The following TNNI3K variants were observed in gnomAD, a reference collection of about 807,000 sequenced individuals.
TNNI3K encodes serine/threonine-protein kinase TNNI3K.
A neutral mutation model predicts 114.5 loss-of-function variants in TNNI3K; 140 were observed. That is an observed-to-expected ratio of 1.22 (90% CI 1.07 to 1.41). TNNI3K has a LOEUF of 1.41. Ranked by LOEUF, TNNI3K falls within the 40% of genes most tolerant of loss-of-function variation. The pLI, the probability that TNNI3K is intolerant of heterozygous loss-of-function variation, is 0.00. For missense variants in TNNI3K, 1,125 were observed against 1,007.6 expected, an observed-to-expected ratio of 1.12 and a Z score of -1.58; for synonymous variants, 347 against 347.5, an observed-to-expected ratio of 1.00 and a Z score of 0.02.
chr1:74,321,584 T>G (rs1659613803), intron 5 of TNNI3K, among the ~76,000 whole-genome samples: 1 of 151,916 alleles, frequency 6.6e-6, no homozygotes, highest in African/African-American at 2.4e-5. Context: ...GAAGTGATGC[T>G]AAATTTATAT....
intron 23 of TNNI3K, among the ~76,000 whole-genome samples, chr1:74,511,711 G>C: frequency 6.6e-6 from 1 of 152,018 alleles, no homozygotes; most frequent in East Asian, 1.9e-4. Flanking sequence ...GATAAGTACT[G>C]AGCCATGTGT....
At chr1:74,516,501 T>G (rs1302066359) in intron 23 of TNNI3K, among the ~76,000 whole-genome samples, 1 of 152,120 alleles carries the variant, frequency 6.6e-6, no homozygotes, top group Non-Finnish European at 1.5e-5. Flanking sequence ...TGAGAAAAAC[T>G]GTGAGAAAGA....
Position 74,369,433 on chromosome 1 carries a change from G to A in TNNI3K, c.1515G>A (p.Met505Ile), listed in dbSNP as rs1267869359. Residue 505 changes from methionine (M) to isoleucine (I), a missense_variant, in exon 16 of 25, where the codon ATG becomes ATA. Transcript: ENST00000326637. The part of the protein sequence containing the change: ...NTYCSKSDVD[M>I]FCREVSILCQ... ...ACTGCTCCAAGTCAGATGTGGATAT[G>A]TTTTGCCGAGAGGTGTCCATTCTCT... is the stretch of plus-strand genomic sequence containing the variant. The A allele has an allele frequency of 1.2e-6, 2 of 1,612,196 alleles. No individual in the cohort carries two copies. The highest frequency in any genetic ancestry group is 2.2e-5 in the South Asian group (2 of 90,920).
intron 2 of TNNI3K, among the ~76,000 whole-genome samples, chr1:74,238,873 C>T (rs1024640604): frequency 2.0e-5 from 3 of 151,996 alleles, no homozygotes; most frequent in African/African-American, 4.8e-5. Context: ...GAGATGGAGA[C>T]TGTAGTACTT....
chr1:74,239,480 T>A (rs1366190095), intron 2 of TNNI3K, among the ~76,000 whole-genome samples: 1 of 152,134 alleles, frequency 6.6e-6, no homozygotes, highest in Non-Finnish European at 1.5e-5. Context: ...ATTTGTCTTA[T>A]AAAGAGCATT....
chr1:74,442,261 A>G (rs1666407742), intron 20 of TNNI3K, among the ~76,000 whole-genome samples: 1 of 152,024 alleles, frequency 6.6e-6, no homozygotes, highest in African/African-American at 2.4e-5. Flanking sequence ...TACATTTTTC[A>G]AAAATCAGTT....
chr1:74,329,667 A>G (rs1660095730), intron 5 of TNNI3K, among the ~76,000 whole-genome samples: 1 of 152,116 alleles, frequency 6.6e-6, no homozygotes, highest in Non-Finnish European at 1.5e-5. Context: ...ATTTCAAACT[A>G]TGAAGCACTC....
At chr1:74,328,610 CTG>C (rs2100404747) in intron 5 of TNNI3K, among the ~76,000 whole-genome samples, 1 of 152,200 alleles carries the variant, frequency 6.6e-6, no homozygotes, top group Non-Finnish European at 1.5e-5. Flanking sequence ...AAAAATGACT[CTG>C]TATGGTTTCA....
intron 4 of TNNI3K, among the ~76,000 whole-genome samples, chr1:74,267,422 G>A (rs967570014): frequency 6.6e-6 from 1 of 151,936 alleles, no homozygotes; most frequent in Non-Finnish European, 1.5e-5. Context: ...CAGAAGTGAA[G>A]TACAGACGTT....
intron 23 of TNNI3K, among the ~76,000 whole-genome samples, chr1:74,517,202 A>T (rs6691271): frequency 0.33 from 50,311 of 152,094 alleles, 9,968 homozygotes; most frequent in East Asian, 0.71. Context: ...TTAAAAAAAA[A>T]GGTTAATAAC....
At position 74,354,117 on chromosome 1, in the gene TNNI3K, G is replaced by C. The variant is rs150475385; in HGVS notation, c.1165G>C (p.Ala389Pro). The change falls in exon 11 of 25, where the codon GCT becomes CCT. Residue 389 changes from alanine to proline, a missense_variant. Coordinates refer to ENST00000326637, the MANE Select transcript of TNNI3K (RefSeq NM_015978.3). ...EKDEQTCLMW[A>P]YEKGHDAIVT... ...AGATGAGCAGACATGTTTGATGTGG[G>C]CTTATGAAAAAGGTATATTTTTAAT... 14 of 1,613,760 alleles carry C rather than the reference G, an allele frequency of 8.7e-6. No homozygotes were observed. In the African/African-American group the frequency reaches 1.7e-4, roughly 20 times the overall value.
chr1:74,335,349 G>T lies in TNNI3K; in HGVS notation c.544-662G>T, dbSNP rs200612910. Among the ~76,000 whole-genome samples the T allele has an allele frequency of 2.4e-3, 363 of 152,218 alleles. 1 individual carries two copies. The highest frequency in any genetic ancestry group is 3.8e-3 in the Non-Finnish European group (256 of 68,022). ...ATCAGTATATGATATTACCCCTCAC[G>T]TTAACAACATAAGGTCAGTAGCAGG... On this transcript the variant is annotated intron_variant, in intron 6 of 24. Transcript: ENST00000326637.
intron 20 of TNNI3K, among the ~76,000 whole-genome samples, chr1:74,443,952 T>A (rs931238962): frequency 1.3e-5 from 2 of 152,096 alleles, no homozygotes; most frequent in African/African-American, 4.8e-5. Flanking sequence ...TTTGATACAA[T>A]TCAACATCCC....
chr1:74,403,434 TC>T (rs1664468026), intron 17 of TNNI3K, among the ~76,000 whole-genome samples: 1 of 152,174 alleles, frequency 6.6e-6, no homozygotes, highest in Non-Finnish European at 1.5e-5. Context: ...ACATTTGTTC[TC>T]TCCCGTGTTA....
intron 24 of TNNI3K, among the ~76,000 whole-genome samples, chr1:74,543,081 T>C (rs1646746554): frequency 7.6e-6 from 1 of 131,424 alleles, no homozygotes; most frequent in Non-Finnish European, 1.6e-5. Flanking sequence ...TTTTTTTTTT[T>C]TTTTTTTTTT....
intron 23 of TNNI3K, among the ~76,000 whole-genome samples, chr1:74,517,770 A>G (rs995218577): frequency 2.0e-5 from 3 of 152,204 alleles, no homozygotes; most frequent in Admixed American, 2.0e-4. Context: ...TCACAAAGCC[A>G]GTGGCTCTCA....
At chr1:74,333,190 G>C (rs936306919) in intron 6 of TNNI3K, among the ~76,000 whole-genome samples, 1 of 152,172 alleles carries the variant, frequency 6.6e-6, no homozygotes, top group Admixed American at 6.5e-5. Flanking sequence ...GTGCTCAATA[G>C]TCATTGTGCC....
intron 17 of TNNI3K, chr1:74,416,449 A>G: frequency 1.0e-5 from 10 of 964,858 alleles, no homozygotes; most frequent in Middle Eastern, 1.1e-3. Context: ...TGGGGTGCCT[A>G]GAAGTTATTG....
At chr1:74,402,111 G>C (rs1035461119) in intron 17 of TNNI3K, among the ~76,000 whole-genome samples, 1 of 152,022 alleles carries the variant, frequency 6.6e-6, no homozygotes, top group African/African-American at 2.4e-5. Context: ...CCACCATAAA[G>C]AATTATCCAA....
Sources: allele counts gnomAD v4.1 joint callset (sites outside exome capture counted in the v4.1 genomes callset), GRCh38; gene constraint gnomAD v4.1.1; transcripts MANE v1.5; gene names NCBI Gene and HGNC (gene_info 2026-07-23, HGNC 2026-07-21).